The following REV3L variants were observed in gnomAD, a reference collection of about 807,000 sequenced individuals.
The protein encoded by REV3L is DNA polymerase zeta catalytic subunit.
Under a neutral mutation model 299.4 loss-of-function variants are expected in REV3L, and 69 were observed. That is an observed-to-expected ratio of 0.23 (90% CI 0.19 to 0.28). REV3L has a LOEUF of 0.28. Ranked by LOEUF, REV3L falls within the 10% of genes least tolerant of loss-of-function variation. The pLI, the probability that REV3L is intolerant of heterozygous loss-of-function variation, is 1.00. For missense variants in REV3L, 3,128 were observed against 3,693.8 expected, an observed-to-expected ratio of 0.85 and a Z score of 3.97; for synonymous variants, 1,238 against 1,271.4, an observed-to-expected ratio of 0.97 and a Z score of 0.56.
At chr6:111,460,873 T>A (rs919941184) in intron 1 of REV3L, among the ~76,000 whole-genome samples, 2 of 152,100 alleles carry the variant, frequency 1.3e-5, no homozygotes, top group African/African-American at 4.8e-5. Flanking sequence ...GCTGAAAAAT[T>A]CCTATCGCCT....
intron 1 of REV3L, among the ~76,000 whole-genome samples, chr6:111,432,584 A>G (rs933108132): frequency 1.3e-5 from 2 of 152,206 alleles, no homozygotes; most frequent in Non-Finnish European, 1.5e-5. Flanking sequence ...GGAGAGACAG[A>G]CTGCAATACA....
At chr6:111,466,091 T>C (rs948791978) in intron 1 of REV3L, among the ~76,000 whole-genome samples, 11 of 152,220 alleles carry the variant, frequency 7.2e-5, no homozygotes, top group African/African-American at 2.7e-4. Context: ...ACCTGTTAAA[T>C]AAAATAATTT....
intron 14 of REV3L, 29 bp downstream of exon 14, chr6:111,367,086 T>G: frequency 1.3e-6 from 2 of 1,485,114 alleles, no homozygotes; most frequent in Non-Finnish European, 1.8e-6. Context: ...AGAACAATTA[T>G]GGAGACTTCC....
chr6:111,412,357 G>T, intron 2 of REV3L: 1 of 657,526 alleles, frequency 1.5e-6, no homozygotes, highest in Non-Finnish European at 1.9e-6. Context: ...CTCGGTGCAA[G>T]ATGAAATAAG....
At chr6:111,346,258 A>G (rs893026343) in intron 20 of REV3L, among the ~76,000 whole-genome samples, 3 of 152,220 alleles carry the variant, frequency 2.0e-5, no homozygotes, top group African/African-American at 7.2e-5. Context: ...TGAAAAGCCT[A>G]GATTGACTTG....
intron 10 of REV3L, among the ~76,000 whole-genome samples, chr6:111,380,461 G>A (rs184432359): frequency 1.1e-4 from 17 of 152,154 alleles, no homozygotes; most frequent in East Asian, 9.7e-4. Context: ...GGGTTTCACC[G>A]TGTTAGCCAG....
At position 111,392,903 on chromosome 6, in the gene REV3L, A is replaced by G; in HGVS notation, c.635T>C (p.Phe212Ser). The G allele has an allele frequency of 6.2e-7, 1 of 1,612,472 alleles. No homozygotes were observed. The highest frequency in any genetic ancestry group is 8.5e-7 in the Non-Finnish European group (1 of 1,178,622). Reference protein sequence around the residue: ...LSGNSLADTLFRWEQDEIPSS... With the variant: ...LSGNSLADTLSRWEQDEIPSS... ...TGGTATTTCATCTTGTTCCCACCGA[A>G]ATAAAGTATCAGCAAGAGAATTTCC... Residue 212 changes from phenylalanine (F) to serine (S), a missense_variant, in exon 5 of 32, where the codon TTT becomes TCT. This residue lies in a region of REV3L where 2,409 missense variants were observed against 2,611.8 expected (regional missense o/e 0.92). Coordinates refer to ENST00000368802, the MANE Select transcript of REV3L (RefSeq NM_001372078.1).
rs751736056 is a variant in REV3L at position 111,376,290 on chromosome 6, G to C, written c.2065C>G (p.Pro689Ala). The C allele has an allele frequency of 1.2e-6, 2 of 1,613,580 alleles. No individual in the cohort carries two copies. The highest frequency in any genetic ancestry group is 1.7e-6 in the Non-Finnish European group (2 of 1,179,854). Residue 689 changes from proline (P) to alanine (A), a missense_variant, in exon 13 of 32, where the codon CCT becomes GCT. Transcript: ENST00000368802. ...GGGTGACGGTGCATATGTATAAAAGGGGAATCCTTTTCGATTTTTCTAATG... is the reference window on the plus strand; with the variant it reads ...GGGTGACGGTGCATATGTATAAAAGCGGAATCCTTTTCGATTTTTCTAATG... Reference protein sequence around the residue: ...TNIRKIEKDSPFIHMHRHPNE... With the variant: ...TNIRKIEKDSAFIHMHRHPNE...
chr6:111,321,572 T>C (rs1364461486), intron 26 of REV3L, among the ~76,000 whole-genome samples: 3 of 152,164 alleles, frequency 2.0e-5, no homozygotes, highest in Non-Finnish European at 4.4e-5. Context: ...ATATGGATAA[T>C]TAGGGCCTGG....
At position 111,374,105 on chromosome 6, in the gene REV3L, G is replaced by C. The variant is rs372633509; in HGVS notation, c.4250C>G (p.Pro1417Arg). The C allele has an allele frequency of 4.3e-6, 7 of 1,614,092 alleles. No homozygotes were observed. The highest frequency in any genetic ancestry group is 5.9e-6 in the Non-Finnish European group (7 of 1,179,986). ...LESKLDQAYT[P>R]NFLHCKDSQQ... ...ACTGTCTTTGCAATGCAAAAAATTA[G>C]GGGTATATGCTTGGTCCAGCTTTGA... is the stretch of plus-strand genomic sequence containing the variant. The change falls in exon 13 of 32, where the codon CCT (proline) becomes CGT (arginine). Residue 1417 changes from proline to arginine, a missense_variant. By Grantham distance (103) the Pro-to-Arg change is moderately radical. Around this residue, in one of 9 missense-constraint regions of REV3L, gnomAD observed 2,409 missense variants for 2,611.8 expected, o/e 0.92. Transcript: ENST00000368802.
intron 2 of REV3L, among the ~76,000 whole-genome samples, chr6:111,415,429 G>A (rs1784653863): frequency 6.6e-6 from 1 of 152,152 alleles, no homozygotes. Context: ...AGCTCATGTG[G>A]AGTGACAGAC....
intron 31 of REV3L, among the ~76,000 whole-genome samples, chr6:111,305,574 G>A (rs2114697656): frequency 6.6e-6 from 1 of 151,970 alleles, no homozygotes; most frequent in East Asian, 1.9e-4. Flanking sequence ...GTGACAAAGT[G>A]AGACCCTACC....
At chr6:111,303,092 A>C (rs1282438933) in intron 31 of REV3L, among the ~76,000 whole-genome samples, 2 of 150,830 alleles carry the variant, frequency 1.3e-5, no homozygotes, top group Non-Finnish European at 3.0e-5. Flanking sequence ...ATTAATTACC[A>C]TTTTATAGCA....
chr6:111,341,714 C>T (rs1395917182), intron 21 of REV3L, among the ~76,000 whole-genome samples: 12 of 151,766 alleles, frequency 7.9e-5, no homozygotes, highest in East Asian at 7.7e-4. Context: ...GTCTGTGGGA[C>T]GGAGCACAGG....
At chr6:111,321,604 C>T (rs560529829) in intron 26 of REV3L, among the ~76,000 whole-genome samples, 4 of 152,212 alleles carry the variant, frequency 2.6e-5, no homozygotes, top group South Asian at 2.1e-4. Flanking sequence ...CTATCCCCAC[C>T]GGCTGGTAAT....
At chr6:111,331,499 G>A (rs1304154326) in intron 24 of REV3L, among the ~76,000 whole-genome samples, 177 bp downstream of exon 24, 1 of 152,130 alleles carries the variant, frequency 6.6e-6, no homozygotes, top group Non-Finnish European at 1.5e-5. Flanking sequence ...CAAGGTGACT[G>A]GTTTGTTCCT....
At chr6:111,358,562 G>C (rs892447819) in intron 17 of REV3L, among the ~76,000 whole-genome samples, 7 of 152,108 alleles carry the variant, frequency 4.6e-5, no homozygotes, top group African/African-American at 9.7e-5. Context: ...TCCTGGGCTC[G>C]AGCAATCCTG....
intron 1 of REV3L, chr6:111,431,398 C>A: frequency 1.0e-6 from 1 of 978,154 alleles, no homozygotes; most frequent in Non-Finnish European, 1.7e-6. Flanking sequence ...AAAGCAGTAA[C>A]AAACTTTGGC....
chr6:111,333,057 A>G (rs1334997756), intron 23 of REV3L, 66 bp downstream of exon 23: 3 of 1,572,214 alleles, frequency 1.9e-6, no homozygotes, highest in Non-Finnish European at 2.6e-6. Flanking sequence ...ACACTCAGAA[A>G]GTGTCTAATT....
Sources: gnomAD v4.1 joint callset for allele counts (sites outside exome capture counted in the v4.1 genomes callset) on GRCh38, gnomAD v4.1.1 for gene constraint, gnomAD v4.1.1 regional missense constraint, MANE v1.5 for transcripts, NCBI Gene and HGNC (gene_info 2026-07-23, HGNC 2026-07-21) for gene names.